UGT2B11: variants seen among roughly 807,000 people sequenced by gnomAD.
UGT2B11 encodes UDP glucuronosyltransferase family 2 member B11.
A neutral mutation model predicts 51.7 loss-of-function variants in UGT2B11; 49 were observed. The ratio of observed to expected loss-of-function variants is 0.95; its 90% CI spans 0.75 to 1.20. The LOEUF is 1.20. Among genes scored for constraint, UGT2B11 ranks in the 50% most tolerant of loss-of-function variants. The pLI, the probability that UGT2B11 is intolerant of heterozygous loss-of-function variation, is 0.00. For missense variants in UGT2B11, 810 were observed against 622.1 expected, an observed-to-expected ratio of 1.30 and a Z score of -3.21; for synonymous variants, 273 against 209.0, an observed-to-expected ratio of 1.31 and a Z score of -2.64.
chr4:69,212,851 A>T (rs1722125506), intron 1 of UGT2B11, 130 bp from the exon 2 acceptor site: 1 of 803,256 alleles, frequency 1.2e-6, no homozygotes, highest in East Asian at 4.5e-5. Context: ...ATATATAAAT[A>T]TATATGAATA....
At chr4:69,207,353 T>A (rs1721896852) in intron 3 of UGT2B11, among the ~76,000 whole-genome samples, 1 of 151,630 alleles carries the variant, frequency 6.6e-6, no homozygotes, top group South Asian at 2.1e-4. Flanking sequence ...GTAACTCAGG[T>A]TTCAGCAAAA....
chr4:69,221,386 G>A, the UGT2B11 span, among the ~76,000 whole-genome samples: 9 of 152,180 alleles, frequency 5.9e-5, no homozygotes, highest in African/African-American at 1.9e-4. Context: ...TATTGCCTTT[G>A]ATAAGGAAAA....
chr4:69,216,274 A>G (rs1217964143), upstream of UGT2B11: 1 of 152,098 alleles, frequency 6.6e-6, no homozygotes, highest in Non-Finnish European at 1.5e-5. Flanking sequence ...GCTTTTGAAC[A>G]GTATCAGAAC....
At chr4:69,206,591 G>C (rs1023980345) in intron 3 of UGT2B11, among the ~76,000 whole-genome samples, 23 of 151,304 alleles carry the variant, frequency 1.5e-4, no homozygotes, top group African/African-American at 3.2e-4. Context: ...GTTTACCTAT[G>C]TAAAAAACCT....
In UGT2B11 at chr4:69,200,654, C is replaced by A; in HGVS notation, c.1376G>T (p.Arg459Leu). 6.2e-7 allele frequency: 1 copy of A among 1,612,272 alleles called. No homozygotes were observed. Among genetic ancestry groups the A allele is most frequent in the Non-Finnish European group, 8.5e-7 (1 of 1,178,870 alleles). Residue 459 changes from arginine (R) to leucine (L), a missense_variant, in exon 6 of 6, where the codon CGA becomes CTA. Transcript: ENST00000446444. Reference sequence around the variant, plus strand: ...GACAAATTCAATCCAGAAGACTGCTCGATCCAGGGGCTTTACTGGTTGATC... The same window carrying A: ...GACAAATTCAATCCAGAAGACTGCTAGATCCAGGGGCTTTACTGGTTGATC... The part of the protein sequence containing the change: ...QHDQPVKPLD[R>L]AVFWIEFVMP...
intron 2 of UGT2B11, among the ~76,000 whole-genome samples, chr4:69,209,191 A>G (rs1721967841): frequency 2.0e-5 from 3 of 151,700 alleles, no homozygotes; most frequent in Non-Finnish European, 4.4e-5. Flanking sequence ...ATGGAATTGT[A>G]GAGTTTATAG....
chr4:69,216,698 A>G (rs1313501522), upstream of UGT2B11: 5 of 151,768 alleles, frequency 3.3e-5, no homozygotes, highest in African/African-American at 1.2e-4. Context: ...ATATCAATCA[A>G]TGTCACAATG....
intron 5 of UGT2B11, among the ~76,000 whole-genome samples, chr4:69,201,501 CT>C (rs1023020137): frequency 2.0e-5 from 3 of 151,800 alleles, no homozygotes; most frequent in Non-Finnish European, 4.4e-5. Flanking sequence ...CACTGGCAAG[CT>C]TTTTTCTAAC....
intron 5 of UGT2B11, among the ~76,000 whole-genome samples, chr4:69,201,852 G>A (rs1412650638): frequency 2.0e-5 from 3 of 151,736 alleles, no homozygotes; most frequent in Non-Finnish European, 4.4e-5. Context: ...TACACTAAGT[G>A]AATAGTTCAA....
chr4:69,224,846 A>G, the UGT2B11 span, among the ~76,000 whole-genome samples: 1 of 151,850 alleles, frequency 6.6e-6, no homozygotes, highest in Admixed American at 6.6e-5. Context: ...CTAGTGTTAG[A>G]TTTTTCGCTC....
At chr4:69,216,470 T>C (rs1189869758), upstream of UGT2B11, 1 of 151,644 alleles carries the variant, frequency 6.6e-6, no homozygotes, top group Non-Finnish European at 1.5e-5. Flanking sequence ...AAGCTGAAGG[T>C]GACAAGCACA....
At chr4:69,215,802 A>G (rs563459118), upstream of UGT2B11, 2 of 152,158 alleles carry the variant, frequency 1.3e-5, no homozygotes, top group East Asian at 1.9e-4. Flanking sequence ...TAACCAAAAA[A>G]GTTATTTTTT....
At chr4:69,205,641 C>G (rs562615445) in intron 3 of UGT2B11, 74 bp from the exon 4 acceptor site, 5 of 1,503,556 alleles carry the variant, frequency 3.3e-6, no homozygotes, top group African/African-American at 2.8e-5. Flanking sequence ...CTGTAGAAAG[C>G]ATAGGAATGA....
At chr4:69,220,554 G>T in the UGT2B11 span, among the ~76,000 whole-genome samples, 1 of 5,564 alleles carries the variant, frequency 1.8e-4, no homozygotes, top group Admixed American at 2.8e-3. Flanking sequence ...TTTGTAGCTT[G>T]ATGGCCTCGA....
At chr4:69,217,840 A>G (rs531332183), upstream of UGT2B11, among the ~76,000 whole-genome samples, 22 of 152,142 alleles carry the variant, frequency 1.4e-4, no homozygotes, top group African/African-American at 2.6e-4. Context: ...TGAGGCTGAA[A>G]TTTTCACAAT....
At position 69,214,478 on chromosome 4, in the gene UGT2B11, G is replaced by T; in HGVS notation, c.245C>A (p.Thr82Asn). Residue 82 changes from threonine to asparagine, a missense_variant, in exon 1 of 6, where the codon ACT becomes AAT. Transcript: ENST00000446444. ...LKFEVYPTSL[T>N]KTEFENIIMQ... Reference sequence around the variant, plus strand: ...GATGATATTCTCAAATTCAGTTTTAGTTAAAGATGTAGGATAAACTTCAAA... The same window carrying T: ...GATGATATTCTCAAATTCAGTTTTATTTAAAGATGTAGGATAAACTTCAAA... 1 of 1,613,176 alleles carries T rather than the reference G, an allele frequency of 6.2e-7. No homozygotes were observed. Among genetic ancestry groups the T allele is most frequent in the Middle Eastern group, 1.7e-4 (1 of 6,032 alleles).
chr4:69,224,160 T>C, the UGT2B11 span, among the ~76,000 whole-genome samples: 1 of 152,098 alleles, frequency 6.6e-6, no homozygotes, highest in Non-Finnish European at 1.5e-5. Context: ...AAATAGAGAA[T>C]CTTCATCCTG....
intron 2 of UGT2B11, among the ~76,000 whole-genome samples, chr4:69,210,497 A>T (rs538577894): frequency 7.3e-5 from 11 of 151,662 alleles, no homozygotes; most frequent in African/African-American, 2.4e-4. Flanking sequence ...CTGGTTTCAC[A>T]ACCGTTGACT....
rs1169400462 is a variant in UGT2B11 at position 69,214,416 on chromosome 4, C to G, written c.307G>C (p.Asp103His). 3 of 1,613,070 alleles carry G rather than the reference C, an allele frequency of 1.9e-6. No individual in the cohort carries two copies. Among genetic ancestry groups the G allele is most frequent in the East Asian group, 2.2e-5 (1 of 44,798 alleles). The change falls in exon 1 of 6, where the codon GAT becomes CAT. Residue 103 changes from aspartate to histidine, a missense_variant. Asp to His is a moderately conservative substitution (Grantham distance 81). Coordinates refer to ENST00000446444, the MANE Select transcript of UGT2B11 (RefSeq NM_001073.3). ...QVKRWSDIRKDSFWLYFSQEQ... is the reference protein window; with the variant it reads ...QVKRWSDIRKHSFWLYFSQEQ... ...TGTGAAAAATATAACCAAAAGCTAT[C>G]TTTTCGAATGTCTGACCATCTCTTA...
Sources: gnomAD v4.1 joint callset for allele counts (sites outside exome capture counted in the v4.1 genomes callset) on GRCh38, gnomAD v4.1.1 for gene constraint, MANE v1.5 for transcripts, NCBI Gene and HGNC (gene_info 2026-07-23, HGNC 2026-07-21) for gene names.